TNS3: variants seen among roughly 807,000 people sequenced by gnomAD.
TNS3 encodes the protein tensin 3, also known as tensin-3.
A neutral mutation model predicts 140.9 loss-of-function variants in TNS3; 45 were observed. That is an observed-to-expected ratio of 0.32 (90% CI 0.25 to 0.41). The LOEUF (loss-of-function observed/expected upper bound fraction) is 0.41. Ranked by LOEUF, TNS3 falls within the 10% of genes least tolerant of loss-of-function variation. TNS3 has a pLI of 1.00. For missense variants in TNS3, 1,716 were observed against 1,906.7 expected (o/e 0.90, Z 1.86); for synonymous variants, 815 against 788.4 (o/e 1.03, Z -0.56).
chr7:47,333,458 C>T (rs926130147), intron 20 of TNS3, among the ~76,000 whole-genome samples: 1 of 152,176 alleles, frequency 6.6e-6, no homozygotes, highest in Non-Finnish European at 1.5e-5. Context: ...TGAATATAAA[C>T]CCATGGAGAA....
Position 47,277,724 on chromosome 7 carries a change from C to T in TNS3, c.*352G>A, listed in dbSNP as rs2150516793. ...TCAAGGGCTGGGGATTCCTCATCCC[C>T]CGGAATGCTAGTGTGCCAGGGACAT... On this transcript the variant is annotated 3_prime_UTR_variant, in exon 31 of 31. Coordinates refer to ENST00000311160, the MANE Select transcript of TNS3 (RefSeq NM_022748.12). 1 of 342,568 alleles carries T rather than the reference C, an allele frequency of 2.9e-6. No homozygotes were observed. Among genetic ancestry groups the T allele is most frequent in the African/African-American group, 2.1e-5 (1 of 46,856 alleles). The allele number at this position is 342,568 out of a possible 1,614,324, so 21.2% of individuals were successfully genotyped here.
In TNS3 at chr7:47,383,836, AG is replaced by A. The variant is rs144973448; in HGVS notation, c.1024+12963del. ...ACTGTGATCACATGCTGCACCCTCTAGTGCAGGGTTCCAGGCCAAAAGAAAG... is the reference window on the plus strand; with the variant it reads ...ACTGTGATCACATGCTGCACCCTCTATGCAGGGTTCCAGGCCAAAAGAAAG... On this transcript the variant is annotated intron_variant, in intron 16 of 30. Coordinates refer to ENST00000311160, the MANE Select transcript of TNS3 (RefSeq NM_022748.12). Among the ~76,000 whole-genome samples the A allele has an allele frequency of 6.3e-3, 954 of 152,268 alleles. 4 individuals are homozygous for A. Among genetic ancestry groups the A allele is most frequent in the African/African-American group, 0.022 (895 of 41,564 alleles).
intron 4 of TNS3, among the ~76,000 whole-genome samples, chr7:47,472,524 G>A (rs1447526113): frequency 2.0e-5 from 3 of 152,204 alleles, no homozygotes; most frequent in African/African-American, 7.2e-5. Context: ...TCAAAGGGGT[G>A]AAATGCACAG....
At chr7:47,456,548 T>A (rs915691601) in intron 4 of TNS3, among the ~76,000 whole-genome samples, 1 of 152,148 alleles carries the variant, frequency 6.6e-6, no homozygotes, top group Non-Finnish European at 1.5e-5. Flanking sequence ...CTTTTACTAG[T>A]ATATTACATT....
At chr7:47,559,879 G>A (rs1242433527) in intron 1 of TNS3, among the ~76,000 whole-genome samples, 1 of 152,174 alleles carries the variant, frequency 6.6e-6, no homozygotes, top group Non-Finnish European at 1.5e-5. Context: ...CGGTCGAGCA[G>A]CCCTGATGAT....
chr7:47,523,330 G>A (rs1799058889), intron 2 of TNS3, among the ~76,000 whole-genome samples: 1 of 152,182 alleles, frequency 6.6e-6, no homozygotes, highest in Non-Finnish European at 1.5e-5. Flanking sequence ...GAATTTTGGG[G>A]AGACACAAAC....
chr7:47,480,660 A>AACAC (rs10648170), intron 4 of TNS3, among the ~76,000 whole-genome samples: 8 of 151,732 alleles, frequency 5.3e-5, no homozygotes, highest in Admixed American at 2.0e-4. Context: ...ATCTGATTTG[A>AACAC]ACACACACAC....
At chr7:47,497,802 G>A (rs754536088) in intron 3 of TNS3, among the ~76,000 whole-genome samples, 5 of 152,042 alleles carry the variant, frequency 3.3e-5, no homozygotes, top group East Asian at 1.9e-4. Flanking sequence ...CCTGCCCCTC[G>A]AGCTATATGG....
intron 18 of TNS3, 48 bp from the exon 19 acceptor site, chr7:47,345,086 A>G: frequency 6.8e-7 from 1 of 1,475,424 alleles, no homozygotes. Context: ...AGTCAAGTGA[A>G]GGCCCCTCCA....
At chr7:47,304,104 C>A (rs1330212438) in intron 21 of TNS3, among the ~76,000 whole-genome samples, 1 of 152,222 alleles carries the variant, frequency 6.6e-6, no homozygotes, top group African/African-American at 2.4e-5. Context: ...CACTGTGGGT[C>A]CCCTCCTCCT....
At chr7:47,434,938 T>C (rs961304101) in intron 8 of TNS3, among the ~76,000 whole-genome samples, 4 of 152,230 alleles carry the variant, frequency 2.6e-5, no homozygotes, top group African/African-American at 4.8e-5. Context: ...GAAAAGGGCA[T>C]ACATAGCTCT....
chr7:47,458,639 G>A (rs977579499), intron 4 of TNS3, among the ~76,000 whole-genome samples: 2 of 152,214 alleles, frequency 1.3e-5, no homozygotes, highest in Non-Finnish European at 2.9e-5. Context: ...AACCACAGAC[G>A]AAGCCTTCTG....
intron 2 of TNS3, among the ~76,000 whole-genome samples, chr7:47,527,293 T>C (rs1799232173): frequency 6.6e-6 from 1 of 152,074 alleles, no homozygotes; most frequent in African/African-American, 2.4e-5. Context: ...GAGAATGACA[T>C]TCAAAGATGG....
chr7:47,294,077 G>A (rs554055858), intron 24 of TNS3, among the ~76,000 whole-genome samples: 79 of 152,320 alleles, frequency 5.2e-4, no homozygotes, highest in African/African-American at 1.8e-3. Flanking sequence ...CAGTGTGGGG[G>A]CTGGAGAGGT....
intron 3 of TNS3, among the ~76,000 whole-genome samples, chr7:47,498,359 G>A (rs761936968): frequency 6.6e-6 from 1 of 152,174 alleles, no homozygotes; most frequent in Non-Finnish European, 1.5e-5. Flanking sequence ...CAGGATGCAG[G>A]GACCCACATT....
intron 26 of TNS3, among the ~76,000 whole-genome samples, chr7:47,292,308 T>C (rs933389603): frequency 2.6e-5 from 4 of 152,236 alleles, no homozygotes; most frequent in African/African-American, 9.7e-5. Context: ...CACATTTACC[T>C]ATATATTAAG....
intron 27 of TNS3, among the ~76,000 whole-genome samples, chr7:47,284,917 C>T (rs1785335669): frequency 6.6e-6 from 1 of 152,258 alleles, no homozygotes; most frequent in South Asian, 2.1e-4. Context: ...CCCTGGGAAG[C>T]AGCTCCATTT....
chr7:47,286,857 CTTA>C (rs1428288286), intron 27 of TNS3, among the ~76,000 whole-genome samples: 1 of 152,006 alleles, frequency 6.6e-6, no homozygotes, highest in Non-Finnish European at 1.5e-5. Flanking sequence ...CATGGGTAAA[CTTA>C]TTATGCTAAG....
intron 17 of TNS3, among the ~76,000 whole-genome samples, chr7:47,351,035 A>G (rs1789638542): frequency 6.6e-6 from 1 of 152,152 alleles, no homozygotes; most frequent in Admixed American, 6.6e-5. Context: ...TTTTTCGGAA[A>G]TGTTTCTATC....
Sources: gnomAD v4.1 joint callset for allele counts (sites outside exome capture counted in the v4.1 genomes callset) on GRCh38, gnomAD v4.1.1 for gene constraint, MANE v1.5 for transcripts, NCBI Gene and HGNC (gene_info 2026-07-23, HGNC 2026-07-21) for gene names.